AKAP7: variants seen among roughly 807,000 people sequenced by gnomAD.
The protein encoded by AKAP7 is A kinase (PRKA) anchor protein 7.
AKAP7 carries 39 observed loss-of-function variants against 39.5 expected under a neutral mutation model. The observed-to-expected ratio is 0.99, with a 90% CI of 0.76 to 1.29. The LOEUF (loss-of-function observed/expected upper bound fraction) is 1.29, where lower values mean the gene tolerates loss of function less well. Ranked by LOEUF, AKAP7 falls within the 50% of genes most tolerant of loss-of-function variation. The pLI, the probability that AKAP7 is intolerant of heterozygous loss-of-function variation, is 0.00. For missense variants in AKAP7, 414 were observed against 407.7 expected (o/e 1.02, Z -0.13); for synonymous variants, 140 against 139.1 (o/e 1.01, Z -0.05).
At chr6:131,152,818 C>T (rs1802041348) in intron 2 of AKAP7, among the ~76,000 whole-genome samples, 1 of 125,668 alleles carries the variant, frequency 8.0e-6, no homozygotes, top group Non-Finnish European at 1.6e-5. Flanking sequence ...CAAAGCAAGA[C>T]TCCATCTCAA....
chr6:131,164,281 G>T, intron 3 of AKAP7: 7 of 429,718 alleles, frequency 1.6e-5, no homozygotes, highest in Non-Finnish European at 2.3e-5. Flanking sequence ...TTTTTTTCTG[G>T]GTTTGCTATT....
rs767130403 is a variant in AKAP7, at chr6:131,160,132, G to C, written c.225G>C (p.Lys75Asn). The change falls in exon 3 of 8, where the codon AAG (lysine) becomes AAC (asparagine). Residue 75 changes from lysine to asparagine, a missense_variant. Physicochemically the swap from Lys to Asn is moderately conservative, Grantham distance 94. Coordinates refer to ENST00000431975, the MANE Select transcript of AKAP7 (RefSeq NM_016377.4). ...NEWVKSDQVK[K>N]RKKKRKDYQP... ...GGGTCAAGAGTGATCAAGTAAAGAA[G>C]AGGAAAAAAAAGAGAAAAGATTATC... The C allele has an allele frequency of 6.2e-7, 1 of 1,610,314 alleles. No individual in the cohort carries two copies. Among genetic ancestry groups the C allele is most frequent in the Non-Finnish European group, 8.5e-7 (1 of 1,178,896 alleles).
At chr6:131,169,977 C>T (rs543358854) in intron 5 of AKAP7, among the ~76,000 whole-genome samples, 7 of 151,608 alleles carry the variant, frequency 4.6e-5, no homozygotes, top group African/African-American at 1.5e-4. Context: ...TTTTCTTTCT[C>T]TGCCCCCTCT....
At chr6:131,226,551 G>A (rs1782203837) in intron 7 of AKAP7, among the ~76,000 whole-genome samples, 1 of 152,208 alleles carries the variant, frequency 6.6e-6, no homozygotes, top group Non-Finnish European at 1.5e-5. Flanking sequence ...GATTATGAAA[G>A]CTGTTCTCTG....
chr6:131,246,834 G>A (rs1450775495), intron 7 of AKAP7, among the ~76,000 whole-genome samples: 1 of 152,156 alleles, frequency 6.6e-6, no homozygotes, highest in Non-Finnish European at 1.5e-5. Flanking sequence ...TTTTGAAATT[G>A]TGGTATGCTG....
intron 5 of AKAP7, chr6:131,184,525 G>A (rs1015486250): frequency 1.0e-4 from 71 of 702,852 alleles, no homozygotes; most frequent in Admixed American, 1.8e-4. Flanking sequence ...ATTTGTGCTC[G>A]ATGCATTGCC....
intron 5 of AKAP7, among the ~76,000 whole-genome samples, chr6:131,172,099 G>A (rs1442761064): frequency 6.6e-6 from 1 of 152,162 alleles, no homozygotes; most frequent in Non-Finnish European, 1.5e-5. Flanking sequence ...ATAGCTAGAA[G>A]TTTTAAAATC....
chr6:131,276,355 T>A (rs541865344), intron 7 of AKAP7, among the ~76,000 whole-genome samples: 5 of 152,218 alleles, frequency 3.3e-5, no homozygotes, highest in African/African-American at 1.2e-4. Flanking sequence ...CAGCTAATAC[T>A]TTTGGCAGAT....
intron 5 of AKAP7, among the ~76,000 whole-genome samples, chr6:131,197,206 A>G (rs982086039): frequency 2.0e-5 from 3 of 152,106 alleles, no homozygotes; most frequent in Admixed American, 2.0e-4. Flanking sequence ...TCATATGGTT[A>G]TTTATCAACC....
chr6:131,199,399 A>T (rs1807293344), intron 5 of AKAP7, 62 bp from the exon 6 acceptor site: 1 of 1,106,930 alleles, frequency 9.0e-7, no homozygotes. Flanking sequence ...ATTTTTTTTT[A>T]CAGTTAAAAA....
rs577302630 is a variant in AKAP7, at chr6:131,231,655, T to G, written c.850+11847T>G. On this transcript the variant is annotated intron_variant, in intron 7 of 7. Transcript: ENST00000431975. ...CATATGATTTATCATCTAAATGGTA[T>G]ACTTTTAAGTGTAAAAGGGGATCTA... 7.9e-5 allele frequency among the ~76,000 whole-genome samples: 12 copies of G among 152,308 alleles called. No individual in the cohort carries two copies. In the South Asian group the frequency reaches 2.1e-3, roughly 26 times the overall value.
intron 7 of AKAP7, among the ~76,000 whole-genome samples, chr6:131,260,345 G>C (rs1487070980): frequency 2.0e-5 from 3 of 152,104 alleles, no homozygotes; most frequent in African/African-American, 7.2e-5. Context: ...GGGTCAAATG[G>C]TATTTCTGGT....
intron 6 of AKAP7, among the ~76,000 whole-genome samples, chr6:131,219,040 G>A (rs1170396561): frequency 1.3e-5 from 2 of 152,064 alleles, no homozygotes; most frequent in Non-Finnish European, 2.9e-5. Flanking sequence ...AGGCCGAGGC[G>A]GGTAGATCTT....
intron 7 of AKAP7, among the ~76,000 whole-genome samples, chr6:131,236,480 A>G (rs979308080): frequency 2.0e-5 from 3 of 152,216 alleles, no homozygotes; most frequent in African/African-American, 7.2e-5. Flanking sequence ...CATTGAATCT[A>G]TAAATTACCT....
chr6:131,252,761 G>A (rs901404816), intron 7 of AKAP7, among the ~76,000 whole-genome samples: 6 of 152,176 alleles, frequency 3.9e-5, no homozygotes, highest in African/African-American at 1.4e-4. Context: ...GGAGGGTCCA[G>A]CTTTTTTCTG....
chr6:131,260,796 TTTTAG>T (rs1813251009), intron 7 of AKAP7, among the ~76,000 whole-genome samples: 1 of 152,122 alleles, frequency 6.6e-6, no homozygotes, highest in Non-Finnish European at 1.5e-5. Context: ...TGCAGAAGCT[TTTTAG>T]TTTAATTAGA....
intron 3 of AKAP7, among the ~76,000 whole-genome samples, chr6:131,162,795 C>T (rs1803109154): frequency 1.3e-5 from 2 of 152,134 alleles, no homozygotes; most frequent in South Asian, 4.1e-4. Flanking sequence ...TCAGCTCAAA[C>T]CTCTCTACCC....
Position 131,199,526 on chromosome 6 carries a change from C to T in AKAP7, c.655C>T (p.His219Tyr). ...LVGESRSFKPHLTFMKLSKSP... is the reference protein window; with the variant it reads ...LVGESRSFKPYLTFMKLSKSP... ...AGGAGAGAGCAGAAGTTTTAAACCT[C>T]ATTTGACCTTCATGAAGTTGTCAAA... Residue 219 changes from histidine (H) to tyrosine (Y), a missense_variant, in exon 6 of 8, where the codon CAT becomes TAT. Physicochemically the swap from His to Tyr is moderately conservative, Grantham distance 83. Coordinates refer to ENST00000431975, the MANE Select transcript of AKAP7 (RefSeq NM_016377.4). The T allele has an allele frequency of 6.2e-7, 1 of 1,612,208 alleles. No homozygotes were observed. The highest frequency in any genetic ancestry group is 1.7e-4 in the Middle Eastern group (1 of 6,052).
intron 5 of AKAP7, chr6:131,184,884 GTCCT>G: frequency 8.2e-7 from 1 of 1,218,478 alleles, no homozygotes; most frequent in Non-Finnish European, 1.2e-6. Context: ...GCTTATCCTG[GTCCT>G]CCAGGTTGGA....
Sources: gnomAD v4.1 joint callset for allele counts (sites outside exome capture counted in the v4.1 genomes callset) on GRCh38, gnomAD v4.1.1 for gene constraint, MANE v1.5 for transcripts, NCBI Gene and HGNC (gene_info 2026-07-23, HGNC 2026-07-21) for gene names.